The following C3 variants were observed in gnomAD, a reference collection of about 807,000 sequenced individuals.
C3 encodes C3 and PZP-like alpha-2-macroglobulin domain-containing protein 1.
Under a neutral mutation model 207.9 loss-of-function variants are expected in C3, and 97 were observed. The ratio of observed to expected loss-of-function variants is 0.47; its 90% CI spans 0.40 to 0.55. C3 has a LOEUF of 0.55. Among genes scored for constraint, C3 ranks in the 20% least tolerant of loss-of-function variants. The pLI, the probability that C3 is intolerant of heterozygous loss-of-function variation, is 0.00. For missense variants in C3, 1,684 were observed against 2,171.7 expected (o/e 0.78, Z 4.46); for synonymous variants, 848 against 857.6 (o/e 0.99, Z 0.20).
At chr19:6,702,052 T>C in intron 19 of C3, 75 bp downstream of exon 19, 1 of 826,428 alleles carries the variant, frequency 1.2e-6, no homozygotes. Flanking sequence ...GTTGATTGAG[T>C]TTGGATAAAA....
chr19:6,686,960 G>T, intron 27 of C3, 58 bp from the exon 28 acceptor site: 2 of 1,553,714 alleles, frequency 1.3e-6, no homozygotes, highest in South Asian at 1.1e-5. Context: ...ACGTTAGTAA[G>T]GATCATTCGA....
chr19:6,707,665 A>C, intron 15 of C3, 128 bp from the exon 16 acceptor site: 1 of 1,524,472 alleles, frequency 6.6e-7, no homozygotes, highest in Non-Finnish European at 9.1e-7. Flanking sequence ...ACTGAGGCTC[A>C]GAGGGGAGGG....
At position 6,712,616 on chromosome 19, in the gene C3, G is replaced by A. The variant is rs192989551; in HGVS notation, c.1011C>T (p.Asp337=). ...TCCCGCTGCGCTCTGCCTGCACCAT[G>A]TCACTGCCTGAGGGGACCAGCTGTG... ...SATVILHSGS[D]MVQAERSGIP... The change falls in exon 10 of 41, where the codon GAC becomes GAT. Residue 337 remains aspartate (D), a synonymous_variant. Transcript: ENST00000245907. 6.2e-7 allele frequency: 1 copy of A among 1,613,888 alleles called. No individual in the cohort carries two copies. Among genetic ancestry groups the A allele is most frequent in the Non-Finnish European group, 8.5e-7 (1 of 1,179,780 alleles).
intron 37 of C3, 44 bp from the exon 38 acceptor site, chr19:6,679,252 C>G: frequency 6.4e-7 from 1 of 1,550,998 alleles, no homozygotes; most frequent in Non-Finnish European, 8.9e-7. Flanking sequence ...CACTCCTTAT[C>G]TGGGGCCTAC....
chr19:6,697,848 C>T, intron 19 of C3, 54 bp from the exon 20 acceptor site: 11 of 1,571,400 alleles, frequency 7.0e-6, no homozygotes, highest in Non-Finnish European at 8.7e-6. Context: ...TGGACAAGGC[C>T]AGGCTCCTGG....
In C3 at chr19:6,710,895, G is replaced by A. The variant is rs778041306; in HGVS notation, c.1480-50C>T. The A allele has an allele frequency of 3.1e-5, 50 of 1,602,122 alleles. 1 individual carries two copies. In the Middle Eastern group the frequency reaches 6.6e-4, roughly 21 times the overall value. On this transcript the variant is annotated intron_variant, in intron 12 of 40. Coordinates refer to ENST00000245907, the MANE Select transcript of C3 (RefSeq NM_000064.4). ...CTGGGGAGGGTGAGTGGCAGGGAAC[G>A]CAGGGAGGGATCCGGGATGGGGGAA...
chr19:6,690,414 G>A (rs1172779484), intron 27 of C3, among the ~76,000 whole-genome samples: 2 of 152,208 alleles, frequency 1.3e-5, no homozygotes, highest in African/African-American at 2.4e-5. Context: ...CTGCTAAAAG[G>A]ATTATGAGAC....
intron 19 of C3, among the ~76,000 whole-genome samples, chr19:6,699,243 C>CTTTTTTTTTTT (rs58493671): frequency 7.6e-6 from 1 of 131,276 alleles, no homozygotes; most frequent in Non-Finnish European, 1.6e-5. Context: ...CTTTTCTTTT[C>CTTTTTTTTTTT]TTTTTTTTTT....
chr19:6,709,628 A>G, intron 14 of C3, 56 bp downstream of exon 14: 5 of 370,098 alleles, frequency 1.4e-5, no homozygotes, highest in Non-Finnish European at 2.3e-5. Flanking sequence ...CACCTCCCCC[A>G]GCCCCAGCTC....
intron 26 of C3, 128 bp downstream of exon 26, chr19:6,692,796 C>T (rs1310337016): frequency 5.9e-6 from 7 of 1,176,984 alleles, no homozygotes; most frequent in Middle Eastern, 2.5e-4. Context: ...CCTGCCCCCA[C>T]CCCCCAGCCC....
At chr19:6,678,130 C>T in intron 40 of C3, 22 bp downstream of exon 40, 1 of 1,614,088 alleles carries the variant, frequency 6.2e-7, no homozygotes, top group Non-Finnish European at 8.5e-7. Flanking sequence ...CGGTCGCGCG[C>T]ACGCGCAGGG....
intron 19 of C3, among the ~76,000 whole-genome samples, chr19:6,700,553 A>T (rs747924102): frequency 1.0e-4 from 2 of 19,318 alleles, no homozygotes; most frequent in African/African-American, 5.4e-4. Context: ...TGTAATATAT[A>T]ATATATGTAA....
rs2145431115 is a variant in C3 at position 6,713,525 on chromosome 19, G to A, written c.774-16C>T. ...GTAGAGGAACCTACGGGACAGACAA[G>A]GAGGGCTTCAGGTCCATCCCTCCTG... On this transcript the variant is annotated splice_polypyrimidine_tract_variant and intron_variant, in intron 7 of 40. Coordinates refer to ENST00000245907, the MANE Select transcript of C3 (RefSeq NM_000064.4). The A allele has an allele frequency of 1.5e-5, 24 of 1,592,348 alleles. No individual in the cohort carries two copies. The highest frequency in any genetic ancestry group is 2.2e-5 in the East Asian group (1 of 44,752).
In C3 at chr19:6,710,772, G is replaced by T; in HGVS notation, c.1553C>A (p.Pro518His). ...REPGQDLVVL[P>H]LSITTDFIPS... The stretch of plus-strand genomic sequence containing the variant: ...GATGAAGTCGGTGGTGATGGACAGG[G>T]GCAGCACCACCAGGTCCTGGCCGGG... The change falls in exon 13 of 41, where the codon CCC (proline) becomes CAC (histidine). Residue 518 changes from proline (P) to histidine (H), a missense_variant. By Grantham distance (77) the Pro-to-His change is moderately conservative. Around this residue, in one of 3 missense-constraint regions of C3, gnomAD observed 1,280 missense variants for 1,739.1 expected, o/e 0.74. Coordinates refer to ENST00000245907, the MANE Select transcript of C3 (RefSeq NM_000064.4). The T allele has an allele frequency of 6.2e-7, 1 of 1,613,840 alleles. No individual in the cohort carries two copies. Among genetic ancestry groups the T allele is most frequent in the Non-Finnish European group, 8.5e-7 (1 of 1,179,972 alleles).
In C3 at chr19:6,714,268, G is replaced by A. The variant is rs1050623535; in HGVS notation, c.600-20C>T. ...CCCATGCTGTGAGGAGGGCGGATGAGTGGTCTCTCAGGCCTCGGAGCCCCC... is the reference window on the plus strand; with the variant it reads ...CCCATGCTGTGAGGAGGGCGGATGAATGGTCTCTCAGGCCTCGGAGCCCCC... On this transcript the variant is annotated intron_variant, in intron 5 of 40. Transcript: ENST00000245907. The A allele has an allele frequency of 6.2e-7, 1 of 1,613,302 alleles. No individual in the cohort carries two copies. Among genetic ancestry groups the A allele is most frequent in the Non-Finnish European group, 8.5e-7 (1 of 1,179,474 alleles).
intron 28 of C3, 168 bp downstream of exon 28, chr19:6,686,578 C>T: frequency 1.2e-6 from 1 of 830,112 alleles, no homozygotes; most frequent in South Asian, 1.4e-5. Context: ...TGCATCCCAG[C>T]TCAGCTCAGG....
At chr19:6,678,118 G>T in intron 40 of C3, 34 bp downstream of exon 40, 1 of 1,614,112 alleles carries the variant, frequency 6.2e-7, no homozygotes, top group Non-Finnish European at 8.5e-7. Flanking sequence ...GGGGCAGTCG[G>T]GCGGTCGCGC....
chr19:6,680,216 G>A lies in C3; in HGVS notation c.4398C>T (p.Tyr1466=). 1 of 1,613,548 alleles carries A rather than the reference G, an allele frequency of 6.2e-7. No homozygotes were observed. Among genetic ancestry groups the A allele is most frequent in the Non-Finnish European group, 8.5e-7 (1 of 1,179,472 alleles). ...CAGGCTGGATAAGCTCTACATTAAA[G>A]TATTGGTGAACTTTGAAAGCTAGAC... The part of the protein sequence containing the change: ...DDCLAFKVHQ[Y]FNVELIQPGA... The change falls in exon 36 of 41, where the codon TAC becomes TAT. Residue 1466 remains tyrosine (Y), a synonymous_variant. Transcript: ENST00000245907.
intron 36 of C3, 85 bp downstream of exon 36, chr19:6,680,073 T>C (rs1479147823): frequency 6.1e-6 from 5 of 819,976 alleles, no homozygotes; most frequent in Non-Finnish European, 1.1e-5. Flanking sequence ...TAGACCTTCA[T>C]TCTCAGATCC....
Sources: allele counts gnomAD v4.1 joint callset (sites outside exome capture counted in the v4.1 genomes callset), GRCh38; gene constraint gnomAD v4.1.1; regional missense constraint gnomAD v4.1.1; transcripts MANE v1.5; gene names NCBI Gene and HGNC (gene_info 2026-07-23, HGNC 2026-07-21).